Variants in PRH1 observed in about 807,000 individuals in gnomAD.
PRH1 encodes the protein salivary acidic proline-rich phosphoprotein 1/2.
PRH1 carries 7 observed loss-of-function variants against 7.9 expected under a neutral mutation model. The observed-to-expected ratio is 0.89, with a 90% confidence interval of 0.50 to 1.67. PRH1 has a LOEUF of 1.67. PRH1 is among the 40% of genes most tolerant of loss of function. The pLI, the probability that PRH1 is intolerant of heterozygous loss-of-function variation, is 0.00. For missense variants in PRH1, 109 were observed against 223.6 expected (o/e 0.49, Z 3.27); for synonymous variants, 45 against 80.8 (o/e 0.56, Z 2.38).
chr12:11,164,560 A>G (rs967500321), intron 1 of PRH1, among the ~76,000 whole-genome samples: 1 of 152,196 alleles, frequency 6.6e-6, no homozygotes, highest in African/African-American at 2.4e-5. Flanking sequence ...GCTGACACAA[A>G]TGTTATTGCC....
chr12:10,970,943 TTCTA>T (rs1179022502), intron 2 of PRH1, among the ~76,000 whole-genome samples: 2 of 152,260 alleles, frequency 1.3e-5, no homozygotes, highest in Non-Finnish European at 2.9e-5. Context: ...ATAATTACAG[TTCTA>T]TCTATGAGAA....
intron 2 of PRH1, chr12:10,964,307 T>G (rs1297388348): frequency 6.4e-6 from 1 of 156,988 alleles, no homozygotes; most frequent in African/African-American, 2.4e-5. Context: ...TAGATATACT[T>G]TTGGAAATTA....
intron 2 of PRH1, among the ~76,000 whole-genome samples, chr12:10,913,891 CA>C (rs1473503767): frequency 6.6e-6 from 1 of 152,088 alleles, no homozygotes; most frequent in African/African-American, 2.4e-5. Context: ...TAACAGAAAT[CA>C]AAAACAAAAA....
At chr12:11,118,013 T>C (rs1298807956), downstream of PRH1, among the ~76,000 whole-genome samples, 4 of 152,136 alleles carry the variant, frequency 2.6e-5, no homozygotes, top group Non-Finnish European at 5.9e-5. Flanking sequence ...CAAAAATTTC[T>C]TAAGTAGTAA....
At chr12:11,043,160 G>GT (rs1406184628) in intron 1 of PRH1, among the ~76,000 whole-genome samples, 3 of 152,060 alleles carry the variant, frequency 2.0e-5, no homozygotes, top group African/African-American at 7.2e-5. Flanking sequence ...ATCAATCAAT[G>GT]TAATACATCA....
intron 1 of PRH1, among the ~76,000 whole-genome samples, chr12:11,126,239 C>A (rs1946124165): frequency 6.6e-6 from 1 of 152,246 alleles, no homozygotes; most frequent in South Asian, 2.1e-4. Context: ...TCCGTCCCTA[C>A]TGTGCCAGTT....
At chr12:10,961,931 C>T (rs1029777467) in intron 2 of PRH1, among the ~76,000 whole-genome samples, 5 of 152,172 alleles carry the variant, frequency 3.3e-5, no homozygotes, top group Admixed American at 3.3e-4. Flanking sequence ...AATGAAGTTG[C>T]CACAACAGAG....
At chr12:10,922,077 T>C (rs1409790218) in intron 2 of PRH1, among the ~76,000 whole-genome samples, 1 of 152,200 alleles carries the variant, frequency 6.6e-6, no homozygotes, top group South Asian at 2.1e-4. Flanking sequence ...GTCATGCCTC[T>C]GATTCTTTAA....
intron 2 of PRH1, among the ~76,000 whole-genome samples, chr12:10,928,778 C>T (rs1016829153): frequency 2.6e-5 from 4 of 152,196 alleles, no homozygotes; most frequent in African/African-American, 9.7e-5. Context: ...CATGCACACA[C>T]ATCATGAGAG....
At chr12:11,165,550 T>A (rs975874685) in intron 1 of PRH1, among the ~76,000 whole-genome samples, 5 of 152,192 alleles carry the variant, frequency 3.3e-5, no homozygotes, top group Admixed American at 3.3e-4. Context: ...AACACATTAA[T>A]CATAATTATT....
chr12:11,170,635 A>T (rs979194193), intron 1 of PRH1, among the ~76,000 whole-genome samples: 2 of 152,226 alleles, frequency 1.3e-5, no homozygotes, highest in African/African-American at 4.8e-5. Flanking sequence ...ATGCATCTCC[A>T]TGCAGAAATG....
At chr12:10,937,563 ACAG>A (rs935900630) in intron 2 of PRH1, 1 of 152,194 alleles carries the variant, frequency 6.6e-6, no homozygotes, top group African/African-American at 2.4e-5. Context: ...ATTTGCAAAG[ACAG>A]CAGTTACGAT....
chr12:10,966,429 TC>T (rs1012997635), intron 2 of PRH1, among the ~76,000 whole-genome samples: 15 of 152,328 alleles, frequency 9.8e-5, no homozygotes, highest in Admixed American at 3.3e-4. Flanking sequence ...CATTGGAGTT[TC>T]TTTTCCTTTT....
chr12:10,989,610 CAA>C (rs1939829972), intron 1 of PRH1, among the ~76,000 whole-genome samples: 1 of 152,206 alleles, frequency 6.6e-6, no homozygotes, highest in African/African-American at 2.4e-5. Flanking sequence ...ATACTTAACC[CAA>C]AAAGACACCA....
chr12:11,075,083 A>T (rs867166640), intron 1 of PRH1, among the ~76,000 whole-genome samples: 11 of 137,200 alleles, frequency 8.0e-5, no homozygotes, highest in Admixed American at 5.9e-4. Context: ...ATCACTGTAA[A>T]CTCAGACACT....
At chr12:11,134,689 A>C (rs1296721523) in intron 1 of PRH1, 1 of 163,868 alleles carries the variant, frequency 6.1e-6, no homozygotes, top group Non-Finnish European at 1.3e-5. Flanking sequence ...TAGATCGTAT[A>C]GTAAATGTCT....
chr12:11,008,900 T>A (rs908884137), intron 1 of PRH1, among the ~76,000 whole-genome samples: 2 of 151,960 alleles, frequency 1.3e-5, no homozygotes, highest in Non-Finnish European at 2.9e-5. Flanking sequence ...GGGTCCTTGA[T>A]TAAGATGTAC....
In PRH1 at chr12:11,062,019, G is replaced by A. The variant is rs760126959; in HGVS notation, n.124-14831C>T. 8.1e-6 allele frequency: 13 copies of A among 1,613,642 alleles called. No homozygotes were observed. The African/African-American group carries it at 1.3e-4, about 17-fold the overall frequency. ...TAGTAGCAAGCCAGTTGCTGAAATG[G>A]TTGATTACTGCCCAGACATTGTAAG... is the stretch of plus-strand genomic sequence containing the variant. On this transcript the variant is annotated intron_variant and non_coding_transcript_variant, in intron 1 of 4. Transcript: ENST00000541977.
rs545795022 is a variant in PRH1 at position 10,930,416 on chromosome 12, C to T, written c.-59+43239G>A. On this transcript the variant is annotated intron_variant, in intron 2 of 3. Transcript: ENST00000539853. ...GTCAGGAATTGGCTAATATCAGTGC[C>T]CCAGAGATATAAACAGTTTTCTCCC... 30 of 1,490,716 alleles carry T rather than the reference C, an allele frequency of 2.0e-5. No homozygotes were observed. In the East Asian group the frequency reaches 2.7e-4, roughly 14 times the overall value. 92.3% of individuals were successfully genotyped at this position (1,490,716 alleles called of 1,614,324 possible). A position where few individuals can be genotyped will look rare whatever the true frequency, so the allele number is the denominator to read the frequency against.
Sources: allele counts gnomAD v4.1 joint callset (sites outside exome capture counted in the v4.1 genomes callset), GRCh38; gene constraint gnomAD v4.1.1; transcripts MANE v1.5; gene names NCBI Gene and HGNC (gene_info 2026-07-23, HGNC 2026-07-21).